The following KIF18A variants were observed in gnomAD, a reference collection of about 807,000 sequenced individuals.
KIF18A encodes the protein kinesin-like protein KIF18A.
Under a neutral mutation model 103.3 loss-of-function variants are expected in KIF18A, and 67 were observed. The observed-to-expected ratio is 0.65, with a 90% CI of 0.53 to 0.79. KIF18A has a LOEUF of 0.79. Among genes scored for constraint, KIF18A ranks in the 30% least tolerant of loss-of-function variants. The pLI, the probability that KIF18A is intolerant of heterozygous loss-of-function variation, is 0.00. For synonymous variants in KIF18A, 367 were observed against 355.5 expected (o/e 1.03, Z -0.36); for missense variants, 1,032 against 1,062.5 (o/e 0.97, Z 0.40).
At chr11:28,090,309 A>G (rs1051469677) in intron 5 of KIF18A, among the ~76,000 whole-genome samples, 4 of 152,216 alleles carry the variant, frequency 2.6e-5, no homozygotes, top group Admixed American at 1.3e-4. Flanking sequence ...ATTTATAGAG[A>G]TAAGTTTTAC....
Position 28,041,943 on chromosome 11 carries a change from T to G in KIF18A, c.1949-5279A>C, listed in dbSNP as rs565339209. 4.0e-5 allele frequency among the ~76,000 whole-genome samples: 6 copies of G among 151,886 alleles called. No homozygotes were observed. In the East Asian group the frequency reaches 1.2e-3, roughly 30 times the overall value. Reference sequence around the variant, plus strand: ...ATTCCCTCAACTTTGGCATTCTTTTTTTTTTGACATCCCCTTCCCTCTACT... The same window carrying G: ...ATTCCCTCAACTTTGGCATTCTTTTGTTTTTGACATCCCCTTCCCTCTACT... On this transcript the variant is annotated intron_variant, in intron 13 of 16. Coordinates refer to ENST00000263181, the MANE Select transcript of KIF18A (RefSeq NM_031217.4).
Position 28,091,902 on chromosome 11 carries a change from G to A in KIF18A, c.484-389C>T, listed in dbSNP as rs549292290. 5.9e-5 allele frequency among the ~76,000 whole-genome samples: 9 copies of A among 152,212 alleles called. No homozygotes were observed. The East Asian group carries it at 1.7e-3, about 29-fold the overall frequency. On this transcript the variant is annotated intron_variant, in intron 3 of 16. Transcript: ENST00000263181. ...GCAATCTCGGCTCACTGCAAGCTCC[G>A]CCTCCCGGGTTCTCACCATTCTGCT...
chr11:28,082,239 T>A (rs963585835), intron 9 of KIF18A, among the ~76,000 whole-genome samples: 3 of 152,174 alleles, frequency 2.0e-5, no homozygotes, highest in Non-Finnish European at 4.4e-5. Flanking sequence ...TTGTCTCAAA[T>A]TTTTAAAGAA....
At position 28,058,998 on chromosome 11, in the gene KIF18A, G is replaced by T. The variant is rs753811567; in HGVS notation, c.1876C>A (p.Gln626Lys). The T allele has an allele frequency of 3.1e-6, 5 of 1,613,916 alleles. No homozygotes were observed. The African/African-American group carries it at 6.7e-5, about 22-fold the overall frequency. ...WADQTAEQPK[Q>K]NDLPGISVLM... ...ACAGAAATCCCTGGTAGATCGTTTT[G>T]CTTTGGTTGTTCGGCAGTTTGGTCA... Residue 626 changes from glutamine (Q) to lysine (K), a missense_variant, in exon 13 of 17, where the codon CAA becomes AAA. Transcript: ENST00000263181.
chr11:28,057,519 CAAAACAAAACAAAA>C (rs1427557378), intron 13 of KIF18A, among the ~76,000 whole-genome samples: 11 of 151,334 alleles, frequency 7.3e-5, no homozygotes, highest in Non-Finnish European at 1.0e-4. Flanking sequence ...GGTCTCAAAA[CAAAACAAAACAAAA>C]AAAACAAAAC....
intron 15 of KIF18A, among the ~76,000 whole-genome samples, chr11:28,029,302 C>T (rs189532386): frequency 2.3e-3 from 356 of 152,286 alleles, no homozygotes; most frequent in African/African-American, 8.1e-3. Flanking sequence ...CAAGCCCAAT[C>T]CAGCAGCACA....
At chr11:28,037,159 T>C (rs1028414253) in intron 13 of KIF18A, among the ~76,000 whole-genome samples, 9 of 151,590 alleles carry the variant, frequency 5.9e-5, no homozygotes, top group East Asian at 1.9e-4. Context: ...TGGGTGATGC[T>C]AGGGTTTGGG....
intron 1 of KIF18A, among the ~76,000 whole-genome samples, chr11:28,106,657 T>G (rs1192679941): frequency 6.6e-6 from 1 of 152,074 alleles, no homozygotes; most frequent in African/African-American, 2.4e-5. Context: ...TATTATGTAT[T>G]TGTAAATACT....
chr11:28,056,121 A>G (rs1219712752), intron 13 of KIF18A, among the ~76,000 whole-genome samples: 1 of 151,778 alleles, frequency 6.6e-6, no homozygotes, highest in African/African-American at 2.4e-5. Flanking sequence ...AATAATGACC[A>G]AAAAAAGTCT....
chr11:28,065,734 T>A (rs983650937), intron 11 of KIF18A, among the ~76,000 whole-genome samples: 1 of 152,078 alleles, frequency 6.6e-6, no homozygotes, highest in African/African-American at 2.4e-5. Context: ...TCGACTTTTT[T>A]GCCTGCTTAA....
rs770791976 is a variant in KIF18A, at chr11:28,084,845, A to T, written c.898-37T>A. ...AAAAAGAGATCTTATGTCATTTTCC[A>T]CATTTAAATGCAAACCTGCTACCAC... On this transcript the variant is annotated intron_variant, in intron 6 of 16. Transcript: ENST00000263181. The T allele has an allele frequency of 1.9e-6, 3 of 1,539,900 alleles. No individual in the cohort carries two copies. The East Asian group carries it at 6.8e-5, about 35-fold the overall frequency.
chr11:28,046,348 A>T (rs1313686516), intron 13 of KIF18A, among the ~76,000 whole-genome samples: 72 of 149,902 alleles, frequency 4.8e-4, no homozygotes, highest in Non-Finnish European at 9.2e-4. Flanking sequence ...CATATACACC[A>T]TGGAAGACTA....
At chr11:28,067,732 A>T (rs1211471702) in intron 11 of KIF18A, among the ~76,000 whole-genome samples, 1 of 152,192 alleles carries the variant, frequency 6.6e-6, no homozygotes, top group Non-Finnish European at 1.5e-5. Context: ...ATTTCAGAAG[A>T]GCATCACCAA....
chr11:28,090,797 C>G (rs1851290740), intron 4 of KIF18A, 70 bp from the exon 5 acceptor site: 1 of 731,154 alleles, frequency 1.4e-6, no homozygotes, highest in African/African-American at 1.8e-5. Flanking sequence ...AATAAATGTT[C>G]AAAAAACAAA....
intron 7 of KIF18A, among the ~76,000 whole-genome samples, chr11:28,084,000 A>G (rs1304752922): frequency 5.3e-5 from 8 of 152,120 alleles, no homozygotes; most frequent in Admixed American, 5.2e-4. Context: ...CAACCCCGAT[A>G]TATTATAATT....
intron 13 of KIF18A, among the ~76,000 whole-genome samples, chr11:28,039,662 G>A (rs540458288): frequency 4.6e-5 from 7 of 151,710 alleles, no homozygotes; most frequent in African/African-American, 1.4e-4. Context: ...GCATACACCC[G>A]ACATCAAATT....
At chr11:28,074,142 A>G (rs1288650870) in intron 10 of KIF18A, among the ~76,000 whole-genome samples, 1 of 152,070 alleles carries the variant, frequency 6.6e-6, no homozygotes, top group Non-Finnish European at 1.5e-5. Context: ...GTGAGACCTT[A>G]TCTCCAAAAA....
chr11:28,052,293 T>C (rs1378434874), intron 13 of KIF18A, among the ~76,000 whole-genome samples: 2 of 152,096 alleles, frequency 1.3e-5, no homozygotes, highest in Admixed American at 6.6e-5. Context: ...TGGCTCCTTG[T>C]TTTATTCAGA....
At chr11:28,058,393 C>G (rs543845676) in intron 13 of KIF18A, among the ~76,000 whole-genome samples, 5 of 149,408 alleles carry the variant, frequency 3.3e-5, no homozygotes, top group Admixed American at 6.7e-5. Flanking sequence ...CAGCTCATGC[C>G]TATAATCTCA....
Sources: gnomAD v4.1 joint callset for allele counts (sites outside exome capture counted in the v4.1 genomes callset) on GRCh38, gnomAD v4.1.1 for gene constraint, MANE v1.5 for transcripts, NCBI Gene and HGNC (gene_info 2026-07-23, HGNC 2026-07-21) for gene names.